Variants in HMG20A observed in about 807,000 individuals in gnomAD.
The protein encoded by HMG20A is high mobility group protein 20A.
A neutral mutation model predicts 43.9 loss-of-function variants in HMG20A; 17 were observed. That is an observed-to-expected ratio of 0.39 (90% CI 0.27 to 0.58). The LOEUF (loss-of-function observed/expected upper bound fraction) is 0.58, where lower values mean the gene tolerates loss of function less well. Among genes scored for constraint, HMG20A ranks in the 20% least tolerant of loss-of-function variants. The probability of loss-of-function intolerance (pLI) is 0.59; values close to 1 mark genes in which losing one functional copy is unlikely to be tolerated. For missense variants in HMG20A, 341 were observed against 438.2 expected (o/e 0.78, Z 1.98); for synonymous variants, 132 against 147.5 (o/e 0.89, Z 0.76).
At chr15:77,488,001 T>C (rs2072954637), downstream of HMG20A, among the ~76,000 whole-genome samples, 1 of 152,188 alleles carries the variant, frequency 6.6e-6, no homozygotes, top group South Asian at 2.1e-4. Context: ...GGGGAAACTT[T>C]TGCCAGAGGT....
chr15:77,438,001 C>T (rs1161439729), intron 1 of HMG20A, among the ~76,000 whole-genome samples: 1 of 151,760 alleles, frequency 6.6e-6, no homozygotes, highest in Non-Finnish European at 1.5e-5. Flanking sequence ...GCTCTGTGGC[C>T]CAAGCTGGAG....
At chr15:77,431,036 A>G (rs2073479397) in intron 1 of HMG20A, among the ~76,000 whole-genome samples, 1 of 152,200 alleles carries the variant, frequency 6.6e-6, no homozygotes, top group Non-Finnish European at 1.5e-5. Flanking sequence ...TTCATTCTTC[A>G]TAGTAAAAAT....
At chr15:77,441,482 A>G (rs2073612483) in intron 1 of HMG20A, among the ~76,000 whole-genome samples, 1 of 152,164 alleles carries the variant, frequency 6.6e-6, no homozygotes. Flanking sequence ...TCTGACAGCT[A>G]AACAAATTTG....
chr15:77,486,323 C>T (rs1270189750), downstream of HMG20A, among the ~76,000 whole-genome samples: 1 of 148,806 alleles, frequency 6.7e-6, no homozygotes, highest in East Asian at 2.0e-4. Flanking sequence ...TGCAGTGGCA[C>T]GATCTCCGCT....
intron 1 of HMG20A, among the ~76,000 whole-genome samples, chr15:77,430,226 T>C (rs1315172352): frequency 1.7e-4 from 26 of 152,230 alleles, no homozygotes; most frequent in Non-Finnish European, 4.4e-5. Context: ...AGTGTTAACG[T>C]TCATTTTACA....
intron 6 of HMG20A, among the ~76,000 whole-genome samples, chr15:77,472,473 A>G (rs772016249): frequency 6.6e-6 from 1 of 152,154 alleles, no homozygotes; most frequent in Non-Finnish European, 1.5e-5. Context: ...ACAGGGTTTC[A>G]TCATATGAGC....
At chr15:77,442,857 C>T (rs1382486828) in intron 1 of HMG20A, among the ~76,000 whole-genome samples, 2 of 151,998 alleles carry the variant, frequency 1.3e-5, no homozygotes, top group African/African-American at 4.8e-5. Flanking sequence ...AAAAAAGAAA[C>T]TAAGTATTGC....
chr15:77,496,755 CAA>C, the HMG20A span, among the ~76,000 whole-genome samples: 1 of 152,204 alleles, frequency 6.6e-6, no homozygotes, highest in African/African-American at 2.4e-5. Flanking sequence ...TGACCAAGCC[CAA>C]GACTCAGATG....
At chr15:77,422,765 T>C (rs1178359797) in intron 1 of HMG20A, among the ~76,000 whole-genome samples, 1 of 152,226 alleles carries the variant, frequency 6.6e-6, no homozygotes, top group East Asian at 1.9e-4. Context: ...AAGTATGATT[T>C]ATATTTTGAA....
chr15:77,448,614 T>A (rs2073701209), intron 1 of HMG20A, among the ~76,000 whole-genome samples: 1 of 152,204 alleles, frequency 6.6e-6, no homozygotes, highest in Non-Finnish European at 1.5e-5. Context: ...TTTATCTTGT[T>A]TTTTGTCTGT....
chr15:77,424,709 T>G (rs2073407151), intron 1 of HMG20A, among the ~76,000 whole-genome samples: 1 of 152,196 alleles, frequency 6.6e-6, no homozygotes, highest in Non-Finnish European at 1.5e-5. Context: ...GTTGTCAAGA[T>G]TTAATTTTTT....
At chr15:77,442,597 G>A (rs548745749) in intron 1 of HMG20A, among the ~76,000 whole-genome samples, 19 of 152,260 alleles carry the variant, frequency 1.2e-4, no homozygotes, top group Admixed American at 2.6e-4. Context: ...CTAGACATGC[G>A]TACTCTTCTC....
At position 77,483,014 on chromosome 15, in the gene HMG20A, G is replaced by C. The variant is rs770691180; in HGVS notation, c.*51G>C. The stretch of plus-strand genomic sequence containing the variant: ...TTCCATAAGTGTTTTTACTTGTGAG[G>C]AATGAGAAGCCATCCATGGAAATTT... On this transcript the variant is annotated 3_prime_UTR_variant, in exon 10 of 10. Coordinates refer to ENST00000336216, the MANE Select transcript of HMG20A (RefSeq NM_001304504.2). The C allele has an allele frequency of 2.6e-5, 4 of 152,252 alleles. No homozygotes were observed. The highest frequency in any genetic ancestry group is 4.4e-5 in the Non-Finnish European group (3 of 68,038). 9.4% of individuals were successfully genotyped at this position (152,252 alleles called of 1,614,324 possible). A position where few individuals can be genotyped will look rare whatever the true frequency, so the allele number is the denominator to read the frequency against.
At chr15:77,457,025 C>A (rs1447970605) in intron 1 of HMG20A, among the ~76,000 whole-genome samples, 1 of 152,172 alleles carries the variant, frequency 6.6e-6, no homozygotes, top group East Asian at 1.9e-4. Flanking sequence ...CTCTACCTTC[C>A]ATGCTCTACC....
chr15:77,503,382 A>C, the HMG20A span, among the ~76,000 whole-genome samples: 1 of 152,190 alleles, frequency 6.6e-6, no homozygotes, highest in Admixed American at 6.5e-5. Flanking sequence ...GCTCAATCAA[A>C]GGAGTCCCTC....
intron 2 of HMG20A, among the ~76,000 whole-genome samples, chr15:77,462,772 CTTTTTTTTTTTT>C (rs71145836): frequency 2.3e-5 from 3 of 127,788 alleles, no homozygotes; most frequent in Admixed American, 8.1e-5. Flanking sequence ...TTTTCTTTTT[CTTTTTTTTTTTT>C]TTTTTTGAGA....
chr15:77,504,984 A>G, the HMG20A span, among the ~76,000 whole-genome samples: 3 of 152,168 alleles, frequency 2.0e-5, no homozygotes, highest in African/African-American at 7.2e-5. Flanking sequence ...AGTGTATGTT[A>G]GTTGACTCAC....
rs528330854 is a variant in HMG20A at position 77,428,353 on chromosome 15, A to G, written c.-5+7349A>G. Among the ~76,000 whole-genome samples, 4 of 152,326 alleles carry G rather than the reference A, an allele frequency of 2.6e-5. No homozygotes were observed. The East Asian group carries it at 5.8e-4, about 22-fold the overall frequency. On this transcript the variant is annotated intron_variant, in intron 1 of 9. Transcript: ENST00000336216. ...ATGTGATTGTAGAAAGAGCAGGCAAATGGCTTGGCCTTCAGAGAATCCCAC... is the reference window on the plus strand; with the variant it reads ...ATGTGATTGTAGAAAGAGCAGGCAAGTGGCTTGGCCTTCAGAGAATCCCAC...
At chr15:77,478,895 AT>A (rs2072881816) in intron 8 of HMG20A, among the ~76,000 whole-genome samples, 1 of 152,194 alleles carries the variant, frequency 6.6e-6, no homozygotes, top group African/African-American at 2.4e-5. Flanking sequence ...GGTATTTCTT[AT>A]ATACTCTTTC....
Sources: allele counts gnomAD v4.1 joint callset (sites outside exome capture counted in the v4.1 genomes callset), GRCh38; gene constraint gnomAD v4.1.1; transcripts MANE v1.5; gene names NCBI Gene and HGNC (gene_info 2026-07-23, HGNC 2026-07-21).